Variants in TMEM40 observed in about 807,000 individuals in gnomAD.
The protein encoded by TMEM40 is transmembrane protein 40.
Under a neutral mutation model 40.8 loss-of-function variants are expected in TMEM40, and 34 were observed. The ratio of observed to expected loss-of-function variants is 0.83; its 90% CI spans 0.63 to 1.11. The LOEUF is 1.11. Among genes scored for constraint, TMEM40 ranks in the 50% least tolerant of loss-of-function variants. The probability of loss-of-function intolerance (pLI) is 0.00; values close to 1 mark genes in which losing one functional copy is unlikely to be tolerated. For missense variants in TMEM40, 296 were observed against 280.2 expected (o/e 1.06, Z -0.40); for synonymous variants, 106 against 107.0 (o/e 0.99, Z 0.06).
At chr3:12,744,150 C>G (rs569080142) in intron 3 of TMEM40, among the ~76,000 whole-genome samples, 161 bp from the exon 4 acceptor site, 1 of 152,318 alleles carries the variant, frequency 6.6e-6, no homozygotes, top group African/African-American at 2.4e-5. Context: ...CTGCCACTCC[C>G]TTTAGGTGTG....
rs2106602861 is a variant in TMEM40, at chr3:12,734,348, G to A, written c.*426C>T. 6.0e-6 allele frequency: 1 copy of A among 167,490 alleles called. No homozygotes were observed. The highest frequency in any genetic ancestry group is 1.6e-4 in the East Asian group (1 of 6,118). 10.4% of individuals were successfully genotyped at this position (167,490 alleles called of 1,614,324 possible). A position where few individuals can be genotyped will look rare whatever the true frequency, so the allele number is the denominator to read the frequency against. On this transcript the variant is annotated 3_prime_UTR_variant, in exon 12 of 12. Transcript: ENST00000314124. The stretch of plus-strand genomic sequence containing the variant: ...GATGGCTCCCTGCCTCAAAGCAGTG[G>A]ACCATCCATCTCTCCCAGGATGGCT...
chr3:12,768,142 C>G (rs1394076158), intron 1 of TMEM40, among the ~76,000 whole-genome samples: 1 of 152,118 alleles, frequency 6.6e-6, no homozygotes, highest in Admixed American at 6.5e-5. Flanking sequence ...AGCTGCAGAC[C>G]TTCGCGGTGA....
intron 11 of TMEM40, among the ~76,000 whole-genome samples, chr3:12,735,000 C>A (rs2061327472): frequency 6.6e-6 from 1 of 152,238 alleles, no homozygotes; most frequent in Non-Finnish European, 1.5e-5. Flanking sequence ...TTCCCCAGCA[C>A]AGCCACACAG....
At chr3:12,738,012 T>G in intron 7 of TMEM40, 124 bp downstream of exon 7, 1 of 1,244,094 alleles carries the variant, frequency 8.0e-7, no homozygotes, top group Non-Finnish European at 1.2e-6. Flanking sequence ...TGAATCATAG[T>G]GACACTGGCT....
At chr3:12,759,790 C>T (rs1332089519), upstream of TMEM40, among the ~76,000 whole-genome samples, 2 of 152,120 alleles carry the variant, frequency 1.3e-5, no homozygotes, top group Non-Finnish European at 2.9e-5. Flanking sequence ...AGCACCCACT[C>T]GCCTTGTGCA....
At chr3:12,740,085 ATATT>A (rs746518517) in intron 5 of TMEM40, among the ~76,000 whole-genome samples, 20 of 147,244 alleles carry the variant, frequency 1.4e-4, no homozygotes, top group South Asian at 4.2e-4. Context: ...TATATTTATA[ATATT>A]TATTTATTTA....
intron 3 of TMEM40, among the ~76,000 whole-genome samples, chr3:12,746,159 A>G (rs1388249492): frequency 6.6e-6 from 1 of 151,986 alleles, no homozygotes; most frequent in East Asian, 1.9e-4. Context: ...CGGCCTCCCA[A>G]AGTGCTGGAA....
chr3:12,756,565 A>G (rs991983778), intron 1 of TMEM40, among the ~76,000 whole-genome samples: 1 of 152,176 alleles, frequency 6.6e-6, no homozygotes, highest in Non-Finnish European at 1.5e-5. Flanking sequence ...CCACTGACAC[A>G]TTTGAAGATT....
At chr3:12,761,816 G>A (rs2061569952), upstream of TMEM40, among the ~76,000 whole-genome samples, 1 of 151,904 alleles carries the variant, frequency 6.6e-6, no homozygotes, top group African/African-American at 2.4e-5. Flanking sequence ...ACACATGGCT[G>A]GTCAGGATTG....
intron 2 of TMEM40, 59 bp downstream of exon 2, chr3:12,749,701 A>T: frequency 6.6e-7 from 1 of 1,507,808 alleles, no homozygotes; most frequent in South Asian, 1.2e-5. Flanking sequence ...TGTCCCTTCT[A>T]CTTTTGGACT....
At chr3:12,748,344 C>T (rs2061445373) in intron 3 of TMEM40, among the ~76,000 whole-genome samples, 1 of 152,200 alleles carries the variant, frequency 6.6e-6, no homozygotes. Flanking sequence ...CTAAATGTTA[C>T]TTTACATGAG....
upstream of TMEM40, among the ~76,000 whole-genome samples, chr3:12,760,956 T>G (rs1404215311): frequency 6.6e-6 from 1 of 152,222 alleles, no homozygotes; most frequent in Non-Finnish European, 1.5e-5. Context: ...TAGGCTGGTC[T>G]TGAACTCCTA....
At position 12,758,805 on chromosome 3, in the gene TMEM40, G is replaced by T. The variant is rs1242013953; in HGVS notation, c.-9+386C>A. Among the ~76,000 whole-genome samples the T allele has an allele frequency of 6.6e-5, 10 of 152,326 alleles. No homozygotes were observed. The East Asian group carries it at 1.9e-3, about 29-fold the overall frequency. On this transcript the variant is annotated intron_variant, in intron 1 of 11. Transcript: ENST00000314124. ...CACCCCTCCCCTCCTAAGCTGTTAG[G>T]TTCCATAACAGTGAGGGTGTGAGGT... is the stretch of plus-strand genomic sequence containing the variant.
At chr3:12,765,612 G>A (rs1270363399) in intron 1 of TMEM40, among the ~76,000 whole-genome samples, 5 of 149,786 alleles carry the variant, frequency 3.3e-5, no homozygotes, top group African/African-American at 1.2e-4. Flanking sequence ...CTGTTGCCCA[G>A]GCTGGAGTGC....
At chr3:12,743,824 A>T in intron 4 of TMEM40, 76 bp downstream of exon 4, 1 of 1,390,192 alleles carries the variant, frequency 7.2e-7, no homozygotes, top group Middle Eastern at 1.8e-4. Flanking sequence ...TGTGAAGAAC[A>T]TCACACTTCA....
chr3:12,759,870 C>A (rs1277109159), upstream of TMEM40, among the ~76,000 whole-genome samples: 1 of 152,148 alleles, frequency 6.6e-6, no homozygotes, highest in East Asian at 1.9e-4. Context: ...GAGGGCAGGG[C>A]CCCAGCTCAG....
chr3:12,737,721 T>G lies in TMEM40; in HGVS notation c.458A>C (p.Asn153Thr), dbSNP rs367768113. The change falls in exon 8 of 12, where the codon AAT becomes ACT. Residue 153 changes from asparagine to threonine, a missense_variant. Coordinates refer to ENST00000314124, the MANE Select transcript of TMEM40 (RefSeq NM_018306.4). ...AAGTTCCTTACCATCTTTCTTTATA[T>G]TCAGTCTTCTTAACTGAGAGGCCTC... is the stretch of plus-strand genomic sequence containing the variant. ...EVEASQLRRL[N>T]IKKDDEFFHF... The G allele has an allele frequency of 1.9e-6, 3 of 1,614,018 alleles. No homozygotes were observed. The highest frequency in any genetic ancestry group is 1.7e-6 in the Non-Finnish European group (2 of 1,179,990).
At chr3:12,763,961 G>C (rs577668576), upstream of TMEM40, among the ~76,000 whole-genome samples, 2 of 152,042 alleles carry the variant, frequency 1.3e-5, no homozygotes, top group Non-Finnish European at 2.9e-5. Context: ...TGTCGCCCAG[G>C]CTGAAGTACA....
chr3:12,737,599 C>T (rs974541701), intron 8 of TMEM40, 108 bp downstream of exon 8: 37 of 1,008,706 alleles, frequency 3.7e-5, no homozygotes, highest in African/African-American at 3.0e-4. Flanking sequence ...GCAGGGCACA[C>T]GACAGAGGTG....
Sources: gnomAD v4.1 joint callset for allele counts (sites outside exome capture counted in the v4.1 genomes callset) on GRCh38, gnomAD v4.1.1 for gene constraint, MANE v1.5 for transcripts, NCBI Gene and HGNC (gene_info 2026-07-23, HGNC 2026-07-21) for gene names.